The following ITFG1 variants were observed in gnomAD, a reference collection of about 807,000 sequenced individuals.
ITFG1 encodes the protein integrin alpha FG-GAP repeat containing 1, also known as T-cell immunomodulatory protein.
ITFG1 carries 34 observed loss-of-function variants against 81.8 expected under a neutral mutation model. The ratio of observed to expected loss-of-function variants is 0.42; its 90% CI spans 0.32 to 0.55. The LOEUF (loss-of-function observed/expected upper bound fraction) is 0.55. Among genes scored for constraint, ITFG1 ranks in the 20% least tolerant of loss-of-function variants. The pLI is 0.17. For missense variants in ITFG1, 672 were observed against 755.4 expected (o/e 0.89, Z 1.29); for synonymous variants, 285 against 270.6 (o/e 1.05, Z -0.52).
intron 14 of ITFG1, among the ~76,000 whole-genome samples, chr16:47,214,960 A>G (rs993825395): frequency 2.1e-4 from 31 of 147,654 alleles, no homozygotes; most frequent in Non-Finnish European, 4.0e-4. Flanking sequence ...ACACACACAC[A>G]CGCACGCACA....
At chr16:47,335,338 G>A (rs1336599899) in intron 8 of ITFG1, among the ~76,000 whole-genome samples, 1 of 151,992 alleles carries the variant, frequency 6.6e-6, no homozygotes, top group African/African-American at 2.4e-5. Flanking sequence ...AGCCTGGGTT[G>A]CAAGAGCGAG....
At chr16:47,349,130 T>TCAAG (rs1567469569) in intron 8 of ITFG1, among the ~76,000 whole-genome samples, 2 of 152,034 alleles carry the variant, frequency 1.3e-5, no homozygotes, top group Non-Finnish European at 2.9e-5. Flanking sequence ...AGACCACTGA[T>TCAAG]GCTAGGAAGA....
intron 11 of ITFG1, among the ~76,000 whole-genome samples, chr16:47,258,999 G>C (rs1431194684): frequency 6.6e-6 from 1 of 152,140 alleles, no homozygotes; most frequent in Non-Finnish European, 1.5e-5. Flanking sequence ...TTTCTTTCCA[G>C]TCAAATTTGC....
At chr16:47,337,898 GC>G (rs1355756911) in intron 8 of ITFG1, among the ~76,000 whole-genome samples, 1 of 152,226 alleles carries the variant, frequency 6.6e-6, no homozygotes, top group Non-Finnish European at 1.5e-5. Flanking sequence ...CTGTAGAAGT[GC>G]CCTAGCACAG....
intron 13 of ITFG1, among the ~76,000 whole-genome samples, chr16:47,223,850 T>C (rs1965724592): frequency 6.6e-6 from 1 of 152,072 alleles, no homozygotes; most frequent in Non-Finnish European, 1.5e-5. Flanking sequence ...ATTAAGAAAA[T>C]GTGGCACATA....
intron 6 of ITFG1, among the ~76,000 whole-genome samples, chr16:47,419,105 G>T (rs1027919415): frequency 6.6e-6 from 1 of 152,094 alleles, no homozygotes; most frequent in Non-Finnish European, 1.5e-5. Context: ...ACTAGTTCAC[G>T]TTGTTTTATC....
chr16:47,413,052 A>C (rs1359395020), intron 6 of ITFG1, among the ~76,000 whole-genome samples: 2 of 152,174 alleles, frequency 1.3e-5, no homozygotes, highest in East Asian at 3.9e-4. Context: ...ATGACCATCC[A>C]CAAGACACAT....
chr16:47,344,025 C>T (rs1967818397), intron 8 of ITFG1, among the ~76,000 whole-genome samples: 1 of 152,090 alleles, frequency 6.6e-6, no homozygotes, highest in Admixed American at 6.6e-5. Flanking sequence ...ATAAGTCAGA[C>T]ACAAAAGGGC....
At chr16:47,280,156 T>C (rs183814230) in intron 10 of ITFG1, among the ~76,000 whole-genome samples, 71 of 152,298 alleles carry the variant, frequency 4.7e-4, no homozygotes, top group African/African-American at 1.6e-3. Flanking sequence ...CTAGGTTCAA[T>C]GGGAGTAGAG....
At chr16:47,426,985 G>A (rs1377364379) in intron 6 of ITFG1, among the ~76,000 whole-genome samples, 1 of 152,158 alleles carries the variant, frequency 6.6e-6, no homozygotes, top group Non-Finnish European at 1.5e-5. Context: ...AAACAGGTGG[G>A]AAGTGGGGGC....
intron 6 of ITFG1, among the ~76,000 whole-genome samples, chr16:47,383,896 C>T (rs950575081): frequency 2.6e-5 from 4 of 152,188 alleles, no homozygotes; most frequent in Admixed American, 6.5e-5. Context: ...GAGAGCAAAA[C>T]TCCATCTCAA....
chr16:47,401,057 A>T (rs556702926), intron 6 of ITFG1, among the ~76,000 whole-genome samples: 1 of 152,346 alleles, frequency 6.6e-6, no homozygotes, highest in South Asian at 2.1e-4. Context: ...TGATAAAGTA[A>T]GCAGGAGGTA....
chr16:47,416,849 A>G (rs1269496866), intron 6 of ITFG1, among the ~76,000 whole-genome samples: 3 of 152,224 alleles, frequency 2.0e-5, no homozygotes, highest in African/African-American at 7.2e-5. Context: ...GGACTAACAC[A>G]GTGTTCTAGG....
At chr16:47,170,176 GAGT>G (rs1335757984) in intron 14 of ITFG1, among the ~76,000 whole-genome samples, 1 of 152,184 alleles carries the variant, frequency 6.6e-6, no homozygotes, top group Non-Finnish European at 1.5e-5. Flanking sequence ...TTTGGTATGA[GAGT>G]AATGCTGGTC....
At chr16:47,344,817 G>C (rs1463063471) in intron 8 of ITFG1, among the ~76,000 whole-genome samples, 1 of 152,108 alleles carries the variant, frequency 6.6e-6, no homozygotes, top group Non-Finnish European at 1.5e-5. Context: ...TGAGAACATG[G>C]GATGTTGTCT....
intron 12 of ITFG1, among the ~76,000 whole-genome samples, chr16:47,244,777 G>C (rs1005853224): frequency 1.3e-4 from 19 of 151,918 alleles, no homozygotes; most frequent in African/African-American, 4.6e-4. Flanking sequence ...AAGGTTAAAT[G>C]AGGTCACAGG....
At chr16:47,416,973 A>C (rs1968883249) in intron 6 of ITFG1, among the ~76,000 whole-genome samples, 1 of 152,348 alleles carries the variant, frequency 6.6e-6, no homozygotes, top group East Asian at 1.9e-4. Context: ...ACTGCTTACT[A>C]TTACCTGTTA....
chr16:47,274,864 A>G lies in ITFG1; in HGVS notation c.1071-14169T>C, dbSNP rs371227924. 9.2e-5 allele frequency among the ~76,000 whole-genome samples: 14 copies of G among 152,328 alleles called. No homozygotes were observed. In the East Asian group the frequency reaches 2.7e-3, roughly 29 times the overall value. ...ACAAAATCTGAGTAAGTCTGCTTAA[A>G]TACCATAGCCATAATGAAAAAGCCT... On this transcript the variant is annotated intron_variant, in intron 10 of 17. Coordinates refer to ENST00000320640, the MANE Select transcript of ITFG1 (RefSeq NM_030790.5).
chr16:47,319,557 C>T (rs1330420234), intron 8 of ITFG1, among the ~76,000 whole-genome samples: 1 of 152,132 alleles, frequency 6.6e-6, no homozygotes, highest in African/African-American at 2.4e-5. Context: ...GCATATTTTC[C>T]AACACAGACT....
Sources: gnomAD v4.1 joint callset for allele counts (sites outside exome capture counted in the v4.1 genomes callset) on GRCh38, gnomAD v4.1.1 for gene constraint, MANE v1.5 for transcripts, NCBI Gene and HGNC (gene_info 2026-07-23, HGNC 2026-07-21) for gene names.